STS: variants seen among roughly 807,000 people sequenced by gnomAD.
STS encodes steroid sulfatase.
A neutral mutation model predicts 26.8 loss-of-function variants in STS; 7 were observed. That is an observed-to-expected ratio of 0.26 (90% CI 0.15 to 0.49). The LOEUF (loss-of-function observed/expected upper bound fraction) is 0.49. Ranked by LOEUF, STS falls within the 20% of genes least tolerant of loss-of-function variation. STS has a pLI of 0.98. For synonymous variants in STS, 199 were observed against 189.4 expected, an observed-to-expected ratio of 1.05 and a Z score of -0.42; for missense variants, 434 against 465.6, an observed-to-expected ratio of 0.93 and a Z score of 0.63.
At chrX:7,177,830 T>TA (rs1933603451) in intron 1 of STS, among the ~76,000 whole-genome samples, 1 of 109,477 alleles carries the variant, frequency 9.1e-6, no homozygotes, top group South Asian at 3.9e-4. Flanking sequence ...TATATATTTT[T>TA]AAAGGCAAGG....
At chrX:7,205,740 G>C (rs752326724) in intron 2 of STS, among the ~76,000 whole-genome samples, 1 of 105,738 alleles carries the variant, frequency 9.5e-6, no homozygotes, top group Non-Finnish European at 1.9e-5. Flanking sequence ...CTTCCTCCTG[G>C]GCTCAAGTGG....
At chrX:7,185,071 C>T (rs1933748319) in intron 1 of STS, among the ~76,000 whole-genome samples, 1 of 112,071 alleles carries the variant, frequency 8.9e-6, no homozygotes, top group Non-Finnish European at 1.9e-5. Flanking sequence ...GTGTTGTTGG[C>T]CAGAGAACAA....
At chrX:7,182,159 A>G (rs1175935076) in intron 1 of STS, among the ~76,000 whole-genome samples, 1 of 111,687 alleles carries the variant, frequency 9.0e-6, no homozygotes, top group Non-Finnish European at 1.9e-5. Flanking sequence ...GCATCCCGCG[A>G]TATTGGCTTT....
chrX:7,291,800 C>G (rs1317449582), intron 7 of STS, among the ~76,000 whole-genome samples: 4 of 110,617 alleles, frequency 3.6e-5, no homozygotes, highest in African/African-American at 1.3e-4. Context: ...TTTTTTTATT[C>G]TAAGGTAAGA....
At chrX:7,311,900 A>G (rs1361618766) in intron 8 of STS, among the ~76,000 whole-genome samples, 1 of 111,171 alleles carries the variant, frequency 9.0e-6, no homozygotes, top group Non-Finnish European at 1.9e-5. Flanking sequence ...GGTGGTACAC[A>G]TCTGGAGTCC....
chrX:7,267,681 T>G (rs963559294), intron 6 of STS, among the ~76,000 whole-genome samples: 5 of 112,292 alleles, frequency 4.5e-5, no homozygotes, highest in African/African-American at 1.6e-4. Context: ...AGAATGGCAA[T>G]GACTTTATAC....
At chrX:7,205,519 G>A (rs1028359732) in intron 2 of STS, among the ~76,000 whole-genome samples, 1 of 111,729 alleles carries the variant, frequency 9.0e-6, no homozygotes, top group Non-Finnish European at 1.9e-5. Flanking sequence ...TTTATTCAGG[G>A]GCCAATGCAA....
chrX:7,246,622 A>G (rs766870439), intron 2 of STS, among the ~76,000 whole-genome samples: 1 of 111,469 alleles, frequency 9.0e-6, no homozygotes, highest in Non-Finnish European at 1.9e-5. Context: ...GAGACTTTCA[A>G]CTTAGCTGCA....
chrX:7,219,496 A>G, intron 2 of STS: 2 of 1,138,575 alleles, frequency 1.8e-6, no homozygotes, highest in Non-Finnish European at 2.3e-6. Flanking sequence ...GACGGGACCC[A>G]GCTGTAGTGA....
intron 2 of STS, among the ~76,000 whole-genome samples, chrX:7,215,012 ATATATATATAT>A (rs1299986669): frequency 1.8e-4 from 3 of 16,554 alleles, no homozygotes; most frequent in African/African-American, 4.0e-4. Context: ...ATATATACGT[ATATATATATAT>A]TATATATGTA....
rs148739775 is a variant in STS at position 7,237,056 on chromosome X, A to G, written c.-4-16140A>G. On this transcript the variant is annotated intron_variant, in intron 2 of 10. Coordinates refer to ENST00000674429, the MANE Select transcript of STS (RefSeq NM_001320752.2). ...AAAGATCTGGTGTTGCTAGAGGGAG[A>G]TCCTTTTATTTTTCTTTGAGCAGAT... Among the ~76,000 whole-genome samples, 482 of 110,470 alleles carry G rather than the reference A, an allele frequency of 4.4e-3. 17 individuals are homozygous for G. In the East Asian group the frequency reaches 0.11, roughly 25 times the overall value.
intron 6 of STS, among the ~76,000 whole-genome samples, chrX:7,275,643 C>A (rs754029228): frequency 9.9e-5 from 11 of 110,899 alleles, no homozygotes; most frequent in East Asian, 8.5e-4. Context: ...ACAACAACAA[C>A]AAAAAACAAA....
intron 9 of STS, among the ~76,000 whole-genome samples, chrX:7,326,606 A>C (rs1372938690): frequency 3.6e-5 from 4 of 112,327 alleles, no homozygotes; most frequent in Non-Finnish European, 7.5e-5. Flanking sequence ...TTAAATTTAA[A>C]TACGACTTCA....
At position 7,253,385 on chromosome X, in the gene STS, C is replaced by G. The variant is rs1395764489; in HGVS notation, c.137+49C>G. ...AACACATGGCTGTATTCATAGGCAA[C>G]AGTCCCCGGGATGGTTATTGTTGAT... On this transcript the variant is annotated intron_variant, in intron 3 of 10. Coordinates refer to ENST00000674429, the MANE Select transcript of STS (RefSeq NM_001320752.2). 5 of 1,200,856 alleles carry G rather than the reference C, an allele frequency of 4.2e-6. No homozygotes were observed. The Admixed American group carries it at 1.1e-4, about 26-fold the overall frequency.
chrX:7,324,406 G>C (rs868734030), intron 8 of STS, among the ~76,000 whole-genome samples: 1 of 111,518 alleles, frequency 9.0e-6, no homozygotes, highest in South Asian at 3.9e-4. Context: ...CAGACTCTTG[G>C]TCAGTTCTCT....
chrX:7,237,789 A>C (rs1427721484), intron 2 of STS, among the ~76,000 whole-genome samples: 3 of 111,131 alleles, frequency 2.7e-5, no homozygotes, highest in Non-Finnish European at 3.8e-5. Context: ...TCATCCAAAT[A>C]ATATACATTC....
At chrX:7,260,379 G>A (rs1350940240) in intron 6 of STS, among the ~76,000 whole-genome samples, 2 of 111,812 alleles carry the variant, frequency 1.8e-5, no homozygotes. Context: ...GATGACAAAG[G>A]AGGTGTCAGA....
At position 7,334,043 on chromosome X, in the gene STS, T is replaced by C. The variant is rs1316208055; in HGVS notation, c.1299T>C (p.Asp433=). The C allele has an allele frequency of 2.5e-6, 3 of 1,211,520 alleles. No individual in the cohort carries two copies. In the Admixed American group the frequency reaches 6.5e-5, roughly 26 times the overall value. Residue 433 remains aspartate, a synonymous_variant, in exon 10 of 11, where the codon GAT becomes GAC. Transcript: ENST00000674429. The part of the protein sequence containing the change: ...PLLEGKSQRS[D]HEFLFHYCNA... ...TTGAAGGAAAAAGCCAACGCTCCGA[T>C]CATGAGTTTCTCTTCCATTACTGCA... is the stretch of plus-strand genomic sequence containing the variant.
At chrX:7,155,378 G>A (rs781208264) in intron 1 of STS, among the ~76,000 whole-genome samples, 3 of 111,900 alleles carry the variant, frequency 2.7e-5, no homozygotes, top group Non-Finnish European at 3.8e-5. Flanking sequence ...CCAAGTCAGC[G>A]TGACACCAAA....
Sources: gnomAD v4.1 joint callset for allele counts (sites outside exome capture counted in the v4.1 genomes callset) on GRCh38, gnomAD v4.1.1 for gene constraint, MANE v1.5 for transcripts, NCBI Gene and HGNC (gene_info 2026-07-23, HGNC 2026-07-21) for gene names.